The following SNRNP27 variants were observed in gnomAD, a reference collection of about 807,000 sequenced individuals.
SNRNP27 encodes small nuclear ribonucleoprotein U4/U6.U5 subunit 27.
SNRNP27 carries 22 observed loss-of-function variants against 25.1 expected under a neutral mutation model. That is an observed-to-expected ratio of 0.88 (90% CI 0.63 to 1.25). The LOEUF (loss-of-function observed/expected upper bound fraction) is 1.25. SNRNP27 is among the 50% of genes most tolerant of loss of function. The probability of loss-of-function intolerance (pLI) is 0.00; values close to 1 mark genes in which losing one functional copy is unlikely to be tolerated. For synonymous variants in SNRNP27, 66 were observed against 64.9 expected (o/e 1.02, Z -0.08); for missense variants, 150 against 202.3 (o/e 0.74, Z 1.57).
At chr2:69,896,667 T>A in intron 3 of SNRNP27, 119 bp downstream of exon 3, 1 of 926,106 alleles carries the variant, frequency 1.1e-6, no homozygotes, top group Non-Finnish European at 1.5e-6. Flanking sequence ...TGGTTTTGAG[T>A]TTTTTTTGGT....
Position 69,899,715 on chromosome 2 carries a change from A to T in SNRNP27, c.348+2259A>T, listed in dbSNP as rs1676661093. ...AAAGTGCTAGGATTACAGGCGTGAG[A>T]CATTGCGCCCGGCCTCATTTTTTAG... On this transcript the variant is annotated intron_variant, in intron 4 of 5. Transcript: ENST00000244227. Among the ~76,000 whole-genome samples, 3 of 152,010 alleles carry T rather than the reference A, an allele frequency of 2.0e-5. No individual in the cohort carries two copies. In the South Asian group the frequency reaches 6.2e-4, roughly 32 times the overall value.
At position 69,904,511 on chromosome 2, in the gene SNRNP27, G is replaced by A; in HGVS notation, c.*203G>A. 8.0e-6 allele frequency: 5 copies of A among 621,444 alleles called. No individual in the cohort carries two copies. Among genetic ancestry groups the A allele is most frequent in the Middle Eastern group, 4.2e-4 (1 of 2,360 alleles). The allele number at this position is 621,444 out of a possible 1,614,324, so 38.5% of individuals were successfully genotyped here. A position where few individuals can be genotyped will look rare whatever the true frequency, so the allele number is the denominator to read the frequency against. On this transcript the variant is annotated 3_prime_UTR_variant, in exon 6 of 6. Coordinates refer to ENST00000244227, the MANE Select transcript of SNRNP27 (RefSeq NM_006857.3). The stretch of plus-strand genomic sequence containing the variant: ...TTAAATATTACATTTTTTTCTTTTA[G>A]GAAATATCATTTGTGGCAGGCGTCA...
intron 5 of SNRNP27, 43 bp downstream of exon 5, chr2:69,903,288 T>A (rs1307024320): frequency 2.2e-6 from 3 of 1,379,712 alleles, no homozygotes; most frequent in Admixed American, 3.4e-5. Flanking sequence ...AATAAATCAG[T>A]TTTTTACTTC....
intron 1 of SNRNP27, among the ~76,000 whole-genome samples, chr2:69,894,828 C>T (rs1676570760): frequency 6.6e-6 from 1 of 152,106 alleles, no homozygotes. Context: ...ATTACCCGTC[C>T]GTGCCACCAC....
chr2:69,898,785 G>A (rs1401594728), intron 4 of SNRNP27, among the ~76,000 whole-genome samples: 1 of 152,036 alleles, frequency 6.6e-6, no homozygotes, highest in East Asian at 1.9e-4. Flanking sequence ...GCTCTGTTTT[G>A]GAATTTAATG....
At chr2:69,900,793 ACT>A (rs1351879712) in intron 4 of SNRNP27, among the ~76,000 whole-genome samples, 2 of 152,072 alleles carry the variant, frequency 1.3e-5, no homozygotes, top group African/African-American at 4.8e-5. Flanking sequence ...TGCAAAGGTG[ACT>A]CTCAGACATA....
At chr2:69,902,526 A>AGCTTCT (rs553496276) in intron 4 of SNRNP27, among the ~76,000 whole-genome samples, 1 of 94,832 alleles carries the variant, frequency 1.1e-5, no homozygotes, top group South Asian at 3.2e-4. Context: ...CTGCTGCTCT[A>AGCTTCT]GCTTCTGCTT....
chr2:69,897,685 G>C (rs1223763897), intron 4 of SNRNP27: 2 of 453,958 alleles, frequency 4.4e-6, no homozygotes, highest in African/African-American at 4.0e-5. Flanking sequence ...GAAGTGATCA[G>C]ACAAAGAAGA....
intron 4 of SNRNP27, among the ~76,000 whole-genome samples, chr2:69,898,240 G>A (rs1293809331): frequency 1.0e-5 from 1 of 98,344 alleles, no homozygotes; most frequent in Admixed American, 8.8e-5. Flanking sequence ...GCCAGATAGA[G>A]ATGACATTGG....
intron 4 of SNRNP27, among the ~76,000 whole-genome samples, chr2:69,901,313 ATAGT>A (rs1159365713): frequency 6.6e-6 from 1 of 152,234 alleles, no homozygotes. Context: ...TAATAACCAG[ATAGT>A]TCAAGTTGGA....
intron 4 of SNRNP27, among the ~76,000 whole-genome samples, chr2:69,898,675 A>T (rs1431405327): frequency 6.6e-6 from 1 of 151,954 alleles, no homozygotes; most frequent in Non-Finnish European, 1.5e-5. Context: ...TAGGGCTCAC[A>T]TGTTTTAAAA....
At chr2:69,902,938 CTTTTTTTTTTTTT>C (rs761833954) in intron 4 of SNRNP27, among the ~76,000 whole-genome samples, 3 of 92,410 alleles carry the variant, frequency 3.2e-5, no homozygotes, top group East Asian at 3.4e-4. Flanking sequence ...TCTTCTTCTT[CTTTTTTTTTTTTT>C]TTTTTTTTTG....
At position 69,904,663 on chromosome 2, in the gene SNRNP27, A is replaced by G. The variant is rs1676763568; in HGVS notation, c.*355A>G. 1.6e-5 allele frequency: 6 copies of G among 364,672 alleles called. No individual in the cohort carries two copies. The South Asian group carries it at 3.7e-4, about 22-fold the overall frequency. 22.6% of individuals were successfully genotyped at this position (364,672 alleles called of 1,614,324 possible). ...GTTTATCCAATAAAGCAGTATTTCT[A>G]CCCTTTTAGATTTGATAAATATTTT... On this transcript the variant is annotated 3_prime_UTR_variant, in exon 6 of 6. Coordinates refer to ENST00000244227, the MANE Select transcript of SNRNP27 (RefSeq NM_006857.3).
intron 1 of SNRNP27, among the ~76,000 whole-genome samples, 160 bp from the exon 2 acceptor site, chr2:69,894,934 T>A (rs1439115570): frequency 3.9e-5 from 6 of 152,322 alleles, no homozygotes; most frequent in Middle Eastern, 3.4e-3. Flanking sequence ...CCCGCCAGCC[T>A]CACAAAGTGC....
intron 5 of SNRNP27, among the ~76,000 whole-genome samples, chr2:69,903,733 T>G (rs1676748673): frequency 6.6e-6 from 1 of 152,214 alleles, no homozygotes; most frequent in Admixed American, 6.5e-5. Context: ...TCTCTCTAAC[T>G]TTGTCGCTGA....
At chr2:69,900,871 T>C (rs183316403) in intron 4 of SNRNP27, among the ~76,000 whole-genome samples, 2 of 152,236 alleles carry the variant, frequency 1.3e-5, no homozygotes, top group East Asian at 3.9e-4. Flanking sequence ...CATGGTTTTA[T>C]AGGGTAGAAA....
At chr2:69,902,301 T>C (rs979547698) in intron 4 of SNRNP27, among the ~76,000 whole-genome samples, 8 of 149,722 alleles carry the variant, frequency 5.3e-5, no homozygotes, top group East Asian at 2.0e-4. Context: ...TCCTCCTCCT[T>C]CTTCCTCCTC....
intron 5 of SNRNP27, among the ~76,000 whole-genome samples, chr2:69,903,979 A>G (rs994254134): frequency 6.6e-6 from 1 of 152,078 alleles, no homozygotes; most frequent in Non-Finnish European, 1.5e-5. Context: ...AGGATTTTCA[A>G]TTGATTTTTT....
intron 5 of SNRNP27, among the ~76,000 whole-genome samples, chr2:69,903,812 C>T (rs140405688): frequency 6.6e-6 from 1 of 152,266 alleles, no homozygotes; most frequent in East Asian, 1.9e-4. Flanking sequence ...AGCTAAGGTA[C>T]TAGAATCATC....
Sources: gnomAD v4.1 joint callset for allele counts (sites outside exome capture counted in the v4.1 genomes callset) on GRCh38, gnomAD v4.1.1 for gene constraint, MANE v1.5 for transcripts, NCBI Gene and HGNC (gene_info 2026-07-23, HGNC 2026-07-21) for gene names.